The following DIAPH2 variants were observed in gnomAD, a reference collection of about 807,000 sequenced individuals.
DIAPH2 encodes diaphanous related formin 2.
A neutral mutation model predicts 92.7 loss-of-function variants in DIAPH2; 35 were observed. The observed-to-expected ratio is 0.38, with a 90% CI of 0.29 to 0.50. DIAPH2 has a LOEUF of 0.50. DIAPH2 is among the 20% of genes least tolerant of loss of function. The pLI, the probability that DIAPH2 is intolerant of heterozygous loss-of-function variation, is 0.94. For synonymous variants in DIAPH2, 301 were observed against 280.4 expected (o/e 1.07, Z -0.73); for missense variants, 701 against 819.5 (o/e 0.86, Z 1.77).
intron 4 of DIAPH2, among the ~76,000 whole-genome samples, chrX:96,763,295 T>C (rs190055863): frequency 1.3e-3 from 141 of 111,834 alleles, no homozygotes; most frequent in Middle Eastern, 4.7e-3. Context: ...ATTTTTTCTG[T>C]GGTTTTTGGG....
At chrX:97,434,653 G>A (rs762406492) in intron 26 of DIAPH2, among the ~76,000 whole-genome samples, 16 of 110,062 alleles carry the variant, frequency 1.5e-4, no homozygotes, top group African/African-American at 5.3e-4. Flanking sequence ...CTCATGATCC[G>A]CCCGCCTTGG....
intron 19 of DIAPH2, among the ~76,000 whole-genome samples, chrX:97,087,517 T>A: frequency 9.0e-6 from 1 of 111,618 alleles, no homozygotes; most frequent in Non-Finnish European, 1.9e-5. Flanking sequence ...GGAAAAAAAA[T>A]TCTTTTGGGT....
intron 1 of DIAPH2, among the ~76,000 whole-genome samples, chrX:96,693,812 A>T (rs1021966807): frequency 1.8e-5 from 2 of 112,589 alleles, no homozygotes; most frequent in South Asian, 7.4e-4. Flanking sequence ...AGGCGGGTGG[A>T]TCACCTGAGG....
chrX:97,203,679 A>C (rs2147496818), intron 22 of DIAPH2, among the ~76,000 whole-genome samples: 1 of 112,026 alleles, frequency 8.9e-6, no homozygotes, highest in South Asian at 3.8e-4. Context: ...GGCAGTAATT[A>C]ATAGCATACC....
At chrX:97,396,892 C>T (rs1384312426) in intron 25 of DIAPH2, among the ~76,000 whole-genome samples, 4 of 111,653 alleles carry the variant, frequency 3.6e-5, no homozygotes, top group African/African-American at 1.3e-4. Context: ...ATGGTTGTTG[C>T]TTCATGTAGT....
intron 26 of DIAPH2, among the ~76,000 whole-genome samples, chrX:97,477,198 C>T (rs962158691): frequency 2.8e-5 from 3 of 105,943 alleles, no homozygotes; most frequent in East Asian, 3.0e-4. Flanking sequence ...GGCATGGTAA[C>T]TGGCCTCTGT....
intron 23 of DIAPH2, among the ~76,000 whole-genome samples, chrX:97,335,459 C>A (rs933144226): frequency 8.9e-6 from 1 of 111,841 alleles, no homozygotes; most frequent in African/African-American, 3.2e-5. Flanking sequence ...TAATTAACAT[C>A]TGTGTATGCC....
chrX:97,490,978 A>G (rs745899570), intron 26 of DIAPH2, among the ~76,000 whole-genome samples: 1 of 107,473 alleles, frequency 9.3e-6, no homozygotes, highest in South Asian at 4.0e-4. Context: ...TTTTGCCTGG[A>G]TGTTCTATTC....
chrX:97,186,932 T>C (rs994703705), intron 22 of DIAPH2, among the ~76,000 whole-genome samples: 3 of 112,009 alleles, frequency 2.7e-5, no homozygotes, highest in Non-Finnish European at 5.6e-5. Context: ...GACTGTTGAA[T>C]ATAGTACAAG....
At chrX:97,494,097 ATATATATATATT>A (rs1202464174) in intron 26 of DIAPH2, among the ~76,000 whole-genome samples, 1 of 82,874 alleles carries the variant, frequency 1.2e-5, no homozygotes, top group Non-Finnish European at 2.3e-5. Context: ...ATTTGTGTGT[ATATATATATATT>A]TATATATATG....
chrX:97,438,670 CCA>C lies in DIAPH2; in HGVS notation c.3241+8929_3241+8930del, dbSNP rs201744225. ...GGGATTACAGGCATAAGCCACCACG[CCA>C]CACCAAGAGCCAGGATATAATGCAT... On this transcript the variant is annotated intron_variant, in intron 26 of 26. Transcript: ENST00000324765. Among the ~76,000 whole-genome samples, 329 of 110,408 alleles carry C rather than the reference CCA, an allele frequency of 3.0e-3. 2 individuals are homozygous for C. Among genetic ancestry groups the C allele is most frequent in the Admixed American group, 0.029 (299 of 10,310 alleles).
chrX:97,193,603 T>C (rs975149450), intron 22 of DIAPH2, among the ~76,000 whole-genome samples: 15 of 112,317 alleles, frequency 1.3e-4, no homozygotes, highest in Non-Finnish European at 1.9e-5. Flanking sequence ...TGCATTCTAC[T>C]TGGTTGCATT....
At chrX:97,235,569 A>C (rs1402587130) in intron 22 of DIAPH2, among the ~76,000 whole-genome samples, 1 of 101,019 alleles carries the variant, frequency 9.9e-6, no homozygotes, top group Non-Finnish European at 2.0e-5. Context: ...GCACCAATGC[A>C]CTCCAGCCTG....
intron 26 of DIAPH2, among the ~76,000 whole-genome samples, chrX:97,505,842 ACAGT>A (rs967753791): frequency 9.0e-6 from 1 of 111,329 alleles, no homozygotes; most frequent in African/African-American, 3.3e-5. Flanking sequence ...AGTTTCACTA[ACAGT>A]CTGTTTTGTC....
intron 4 of DIAPH2, among the ~76,000 whole-genome samples, chrX:96,831,542 G>T (rs964745621): frequency 1.1e-4 from 12 of 112,079 alleles, no homozygotes; most frequent in African/African-American, 3.6e-4. Context: ...TCACAAATTT[G>T]TGATAATAAA....
At chrX:96,755,889 G>T (rs2064225461) in intron 3 of DIAPH2, among the ~76,000 whole-genome samples, 1 of 105,182 alleles carries the variant, frequency 9.5e-6, no homozygotes. Flanking sequence ...TTGGAGACAG[G>T]GTCTTGCTCA....
chrX:97,208,243 G>C lies in DIAPH2; in HGVS notation c.2720-39472G>C, dbSNP rs181049863. On this transcript the variant is annotated intron_variant, in intron 22 of 26. Transcript: ENST00000324765. ...TCCATCCATCTGGAATTCACTGTGT[G>C]TCCAATACTGTAATAAGTGATAAGA... 3.0e-4 allele frequency among the ~76,000 whole-genome samples: 34 copies of C among 111,970 alleles called. 1 individual carries two copies. Among genetic ancestry groups the C allele is most frequent in the African/African-American group, 1.0e-3 (31 of 30,885 alleles).
At chrX:96,971,842 A>G (rs1015443897) in intron 17 of DIAPH2, among the ~76,000 whole-genome samples, 1 of 111,744 alleles carries the variant, frequency 8.9e-6, no homozygotes, top group Non-Finnish European at 1.9e-5. Flanking sequence ...CCTATTTCAG[A>G]CATGCACACC....
chrX:97,475,639 A>C (rs746079643), intron 26 of DIAPH2, among the ~76,000 whole-genome samples: 3 of 111,952 alleles, frequency 2.7e-5, no homozygotes, highest in Non-Finnish European at 5.6e-5. Flanking sequence ...TAGATATTAC[A>C]GAGTGAAAAA....
Sources: allele counts gnomAD v4.1 joint callset (sites outside exome capture counted in the v4.1 genomes callset), GRCh38; gene constraint gnomAD v4.1.1; transcripts MANE v1.5; gene names NCBI Gene and HGNC (gene_info 2026-07-23, HGNC 2026-07-21).